Variants in ARL8B observed in about 807,000 individuals in gnomAD.
ARL8B encodes ARF like GTPase 8B, also known as ADP-ribosylation factor-like protein 8B.
Under a neutral mutation model 30.6 loss-of-function variants are expected in ARL8B, and 9 were observed. The ratio of observed to expected loss-of-function variants is 0.29; its 90% CI spans 0.18 to 0.51. The LOEUF (loss-of-function observed/expected upper bound fraction) is 0.51. Ranked by LOEUF, ARL8B falls within the 20% of genes least tolerant of loss-of-function variation. The pLI is 0.97. For synonymous variants in ARL8B, 74 were observed against 76.0 expected (o/e 0.97, Z 0.14); for missense variants, 130 against 227.2 (o/e 0.57, Z 2.75).
intron 1 of ARL8B, among the ~76,000 whole-genome samples, chr3:5,141,080 G>A (rs557204734): frequency 1.7e-3 from 262 of 152,214 alleles, no homozygotes; most frequent in African/African-American, 5.5e-3. Flanking sequence ...AGGTTATACC[G>A]TGGTCCCTTT....
rs1575557411 is a variant in ARL8B at position 5,128,309 on chromosome 3, C to A, written c.123+5721C>A. Among the ~76,000 whole-genome samples, 2 of 151,996 alleles carry A rather than the reference C, an allele frequency of 1.3e-5. 1 individual carries two copies. The highest frequency in any genetic ancestry group is 1.3e-4 in the Admixed American group (2 of 15,254). On this transcript the variant is annotated intron_variant, in intron 1 of 6. Transcript: ENST00000256496. ...GTCTAGATGTTTTACACATCTGAAA[C>A]TTGACTGGAGAAGCTAGTCTTCCAA...
intron 1 of ARL8B, among the ~76,000 whole-genome samples, chr3:5,166,348 G>GTT (rs576653836): frequency 1.1e-3 from 113 of 99,176 alleles, no homozygotes; most frequent in African/African-American, 2.8e-3. Context: ...GGTATCTTTC[G>GTT]TTTTTTTTTT....
At chr3:5,124,614 G>A (rs1449104241) in intron 1 of ARL8B, among the ~76,000 whole-genome samples, 1 of 151,910 alleles carries the variant, frequency 6.6e-6, no homozygotes, top group Non-Finnish European at 1.5e-5. Context: ...CTACAGGCAT[G>A]TGCTACCACC....
At chr3:5,127,468 G>T (rs148678936) in intron 1 of ARL8B, among the ~76,000 whole-genome samples, 1 of 152,170 alleles carries the variant, frequency 6.6e-6, no homozygotes, top group African/African-American at 2.4e-5. Context: ...TCTAGAGAGA[G>T]CATTTTAAAT....
chr3:5,157,272 T>C (rs1208803387), intron 1 of ARL8B, among the ~76,000 whole-genome samples: 5 of 152,208 alleles, frequency 3.3e-5, no homozygotes, highest in African/African-American at 9.6e-5. Context: ...GATCCATATG[T>C]CACAGCTTGG....
intron 1 of ARL8B, among the ~76,000 whole-genome samples, chr3:5,150,773 A>G (rs2054476004): frequency 6.6e-6 from 1 of 152,116 alleles, no homozygotes; most frequent in Non-Finnish European, 1.5e-5. Context: ...ATAGAGTGAG[A>G]CTCTGTCTCA....
In ARL8B at chr3:5,122,371, C is replaced by T. The variant is rs1333859516; in HGVS notation, c.-95C>T. 5.1e-6 allele frequency: 8 copies of T among 1,578,628 alleles called. No homozygotes were observed. The highest frequency in any genetic ancestry group is 6.0e-6 in the Non-Finnish European group (7 of 1,164,174). ...CGTGTCGCGCCGGGGCACCAAGGAG[C>T]CGTTGGAGGGTCCGGGCGGAGGCCC... is the stretch of plus-strand genomic sequence containing the variant. On this transcript the variant is annotated 5_prime_UTR_variant, in exon 1 of 7. Transcript: ENST00000256496.
intron 1 of ARL8B, among the ~76,000 whole-genome samples, chr3:5,138,733 A>G (rs2054347870): frequency 6.6e-6 from 1 of 152,182 alleles, no homozygotes; most frequent in Non-Finnish European, 1.5e-5. Context: ...TGATTTTACT[A>G]TCTAGAAGGC....
At chr3:5,168,742 A>G (rs1432868722) in intron 1 of ARL8B, among the ~76,000 whole-genome samples, 1 of 152,202 alleles carries the variant, frequency 6.6e-6, no homozygotes, top group Non-Finnish European at 1.5e-5. Flanking sequence ...ACATTAAATC[A>G]TGTTCTATAG....
At chr3:5,165,950 T>C (rs1335306268) in intron 1 of ARL8B, among the ~76,000 whole-genome samples, 1 of 152,184 alleles carries the variant, frequency 6.6e-6, no homozygotes, top group Non-Finnish European at 1.5e-5. Flanking sequence ...TGTTTACAAG[T>C]AGTCAGTGCA....
At chr3:5,134,940 C>A (rs2054312121) in intron 1 of ARL8B, among the ~76,000 whole-genome samples, 1 of 152,100 alleles carries the variant, frequency 6.6e-6, no homozygotes, top group African/African-American at 2.4e-5. Context: ...CTCCGCCTCC[C>A]AGGTTCATGC....
chr3:5,129,533 T>G (rs768367493), intron 1 of ARL8B, among the ~76,000 whole-genome samples: 8 of 152,180 alleles, frequency 5.3e-5, no homozygotes, highest in Non-Finnish European at 1.2e-4. Flanking sequence ...CCAAGACTGA[T>G]AACTATAGAG....
At chr3:5,132,977 A>G (rs1341525626) in intron 1 of ARL8B, among the ~76,000 whole-genome samples, 1 of 152,190 alleles carries the variant, frequency 6.6e-6, no homozygotes, top group Non-Finnish European at 1.5e-5. Flanking sequence ...GAGCTGGGTT[A>G]TAAGAGTAGA....
At chr3:5,150,427 C>T (rs2054471247) in intron 1 of ARL8B, among the ~76,000 whole-genome samples, 7 of 150,650 alleles carry the variant, frequency 4.6e-5, no homozygotes, top group Admixed American at 4.6e-4. Context: ...CTTGCCACTG[C>T]ACTCCAGCCT....
At chr3:5,172,365 A>C (rs537109783) in intron 3 of ARL8B, 142 bp downstream of exon 3, 77 of 756,032 alleles carry the variant, frequency 1.0e-4, no homozygotes, top group Non-Finnish European at 1.6e-4. Flanking sequence ...GTAATTCCCA[A>C]CATGGGATTT....
At chr3:5,142,986 C>A (rs1229261299) in intron 1 of ARL8B, among the ~76,000 whole-genome samples, 1 of 152,196 alleles carries the variant, frequency 6.6e-6, no homozygotes, top group African/African-American at 2.4e-5. Context: ...GTTTACTGTC[C>A]AACCCTGAAT....
In ARL8B at chr3:5,174,235, T is replaced by G. The variant is rs537842581; in HGVS notation, c.441-109T>G. The stretch of plus-strand genomic sequence containing the variant: ...GTGAATCCTAACATTTTAGGATTGC[T>G]ACGATGATTTCTTCAGTATAGTAAT... On this transcript the variant is annotated intron_variant, in intron 5 of 6. Coordinates refer to ENST00000256496, the MANE Select transcript of ARL8B (RefSeq NM_018184.3). 5.5e-5 allele frequency: 59 copies of G among 1,070,386 alleles called. No homozygotes were observed. The Admixed American group carries it at 1.2e-3, about 21-fold the overall frequency. 66.3% of individuals were successfully genotyped at this position (1,070,386 alleles called of 1,614,324 possible).
At chr3:5,129,776 G>A (rs919898566) in intron 1 of ARL8B, among the ~76,000 whole-genome samples, 1 of 152,110 alleles carries the variant, frequency 6.6e-6, no homozygotes, top group African/African-American at 2.4e-5. Flanking sequence ...TCAGCATTTA[G>A]GGAGGCAGAG....
Position 5,144,561 on chromosome 3 carries a change from T to A in ARL8B, c.123+21973T>A, listed in dbSNP as rs1473433012. Among the ~76,000 whole-genome samples the A allele has an allele frequency of 2.6e-5, 4 of 152,294 alleles. No individual in the cohort carries two copies. In the South Asian group the frequency reaches 8.3e-4, roughly 32 times the overall value. The stretch of plus-strand genomic sequence containing the variant: ...CAGGGGTTTACTTATTTCTCTCCCA[T>A]CAGGAAGTACCCACTTCCCGTTTTC... On this transcript the variant is annotated intron_variant, in intron 1 of 6. Transcript: ENST00000256496.
Sources: allele counts gnomAD v4.1 joint callset (sites outside exome capture counted in the v4.1 genomes callset), GRCh38; gene constraint gnomAD v4.1.1; transcripts MANE v1.5; gene names NCBI Gene and HGNC (gene_info 2026-07-23, HGNC 2026-07-21).